Variants in AREL1 observed in about 807,000 individuals in gnomAD.
The protein encoded by AREL1 is apoptosis resistant E3 ubiquitin protein ligase 1, also known as apoptosis-resistant E3 ubiquitin protein ligase 1.
Under a neutral mutation model 99.0 loss-of-function variants are expected in AREL1, and 62 were observed. That is an observed-to-expected ratio of 0.63 (90% CI 0.51 to 0.77). The LOEUF (loss-of-function observed/expected upper bound fraction) is 0.77, where lower values mean the gene tolerates loss of function less well. Among genes scored for constraint, AREL1 ranks in the 30% least tolerant of loss-of-function variants. The probability of loss-of-function intolerance (pLI) is 0.00; values close to 1 mark genes in which losing one functional copy is unlikely to be tolerated. For synonymous variants in AREL1, 380 were observed against 376.5 expected, an observed-to-expected ratio of 1.01 and a Z score of -0.11; for missense variants, 879 against 1,027.6, an observed-to-expected ratio of 0.86 and a Z score of 1.98.
Position 74,662,388 on chromosome 14 carries a change from T to C in AREL1, c.*1332A>G, listed in dbSNP as rs531814859. 13 of 392,620 alleles carry C rather than the reference T, an allele frequency of 3.3e-5. No individual in the cohort carries two copies. The highest frequency in any genetic ancestry group is 3.3e-4 in the East Asian group (9 of 27,674). 24.3% of individuals were successfully genotyped at this position (392,620 alleles called of 1,614,324 possible). A position where few individuals can be genotyped will look rare whatever the true frequency, so the allele number is the denominator to read the frequency against. ...TCAGAGTTGACTGCCCCATTGGGAA[T>C]GGTAGCTTGCAGCAAAGCCTTCTTA... On this transcript the variant is annotated 3_prime_UTR_variant, in exon 20 of 20. Transcript: ENST00000356357.
At position 74,684,456 on chromosome 14, in the gene AREL1, G is replaced by A; in HGVS notation, c.241C>T (p.His81Tyr). ...TGGAGACAGAAACATTCCCTTACAT[G>A]CACTCGGAAGGCCATGCTGTGGCCC... ...EVGHSMAFRV[H>Y]LFYKNGQPFP... The change falls in exon 4 of 20, where the codon CAT becomes TAT. Residue 81 changes from histidine (H) to tyrosine (Y), a missense_variant and splice_region_variant. Physicochemically the swap from His to Tyr is moderately conservative, Grantham distance 83 (BLOSUM62 2). Transcript: ENST00000356357. 3 of 1,613,970 alleles carry A rather than the reference G, an allele frequency of 1.9e-6. No individual in the cohort carries two copies. The highest frequency in any genetic ancestry group is 2.5e-6 in the Non-Finnish European group (3 of 1,179,874).
At chr14:74,673,290 C>T in intron 9 of AREL1, 72 bp from the exon 10 acceptor site, 2 of 1,491,998 alleles carry the variant, frequency 1.3e-6, no homozygotes, top group Non-Finnish European at 9.2e-7. Context: ...CAGCTCTATC[C>T]TGTGTACCAA....
In AREL1 at chr14:74,695,227, G is replaced by A. The variant is rs529362050; in HGVS notation, c.-333-2899C>T. ...CCCTAGTGGCTGGGACTACAGGTGC[G>A]TACTACTATGCCCAGCTAGTTTTTG... On this transcript the variant is annotated intron_variant, in intron 1 of 19. Transcript: ENST00000356357. Among the ~76,000 whole-genome samples, 5 of 151,724 alleles carry A rather than the reference G, an allele frequency of 3.3e-5. No homozygotes were observed. The East Asian group carries it at 7.8e-4, about 24-fold the overall frequency.
intron 1 of AREL1, among the ~76,000 whole-genome samples, chr14:74,705,541 A>T (rs925363544): frequency 6.6e-6 from 1 of 152,194 alleles, no homozygotes; most frequent in Non-Finnish European, 1.5e-5. Context: ...ATGCACCTTG[A>T]AGTTAAGCCA....
chr14:74,685,304 A>AT (rs2089723381), intron 3 of AREL1, among the ~76,000 whole-genome samples: 1 of 152,176 alleles, frequency 6.6e-6, no homozygotes, highest in African/African-American at 2.4e-5. Context: ...TTCATCTGGT[A>AT]TAACTTTTCT....
chr14:74,681,760 C>T (rs367950623), intron 5 of AREL1, among the ~76,000 whole-genome samples: 2 of 141,410 alleles, frequency 1.4e-5, no homozygotes, highest in African/African-American at 5.3e-5. Context: ...CAGGGCGAGA[C>T]GCCATCAAAA....
At chr14:74,673,731 C>T (rs1231551672) in intron 9 of AREL1, among the ~76,000 whole-genome samples, 5 of 152,172 alleles carry the variant, frequency 3.3e-5, no homozygotes, top group Non-Finnish European at 7.3e-5. Context: ...CACTGGGAGA[C>T]CAAGCTTGGG....
In AREL1 at chr14:74,676,222, A is replaced by G; in HGVS notation, c.751T>C (p.Ser251Pro). The G allele has an allele frequency of 1.2e-6, 2 of 1,614,144 alleles. No individual in the cohort carries two copies. The highest frequency in any genetic ancestry group is 1.3e-5 in the African/African-American group (1 of 75,028). The change falls in exon 7 of 20, where the codon TCT (serine) becomes CCT (proline). Residue 251 changes from serine to proline, a missense_variant. Coordinates refer to ENST00000356357, the MANE Select transcript of AREL1 (RefSeq NM_001039479.2). ...FQVFLRLTLH[S>P]RGCFHACISY... ...ATGCAAGCATGGAAGCAGCCTCGAG[A>G]ATGCAGGGTGAGTCGCAAGAACACC...
chr14:74,667,195 T>C (rs2089227781), intron 17 of AREL1, 124 bp downstream of exon 17: 2 of 1,130,040 alleles, frequency 1.8e-6, no homozygotes, highest in Non-Finnish European at 2.6e-6. Context: ...GCGACAAAAG[T>C]GAAACCACCT....
At position 74,663,996 on chromosome 14, in the gene AREL1, A is replaced by G; in HGVS notation, c.2272T>C (p.Ser758Pro). 5 of 1,614,158 alleles carry G rather than the reference A, an allele frequency of 3.1e-6. No homozygotes were observed. In the Middle Eastern group the frequency reaches 6.6e-4, roughly 213 times the overall value. Residue 758 changes from serine to proline, a missense_variant, in exon 19 of 20, where the codon TCC becomes CCC. Physicochemically the swap from Ser to Pro is moderately conservative, Grantham distance 74. Transcript: ENST00000356357. Reference sequence around the variant, plus strand: ...AAGCCTCCAGGTGGTAGCTGAGAGGAGCCTGTTGTGAACTGAAGTAGCCGA... The same window carrying G: ...AAGCCTCCAGGTGGTAGCTGAGAGGGGCCTGTTGTGAACTGAAGTAGCCGA... The part of the protein sequence containing the change: ...LARLLQFTTG[S>P]SQLPPGGFAA...
intron 1 of AREL1, among the ~76,000 whole-genome samples, chr14:74,700,366 A>G (rs921221603): frequency 6.6e-6 from 1 of 152,248 alleles, no homozygotes; most frequent in African/African-American, 2.4e-5. Flanking sequence ...ATGTGATTCC[A>G]GAGTTTATAT....
intron 5 of AREL1, among the ~76,000 whole-genome samples, chr14:74,679,049 G>A (rs1481970880): frequency 2.0e-5 from 3 of 152,212 alleles, no homozygotes; most frequent in Admixed American, 2.0e-4. Flanking sequence ...AAAGGTGCAC[G>A]CCACCACACC....
At chr14:74,664,416 T>C (rs1039626709) in intron 18 of AREL1, among the ~76,000 whole-genome samples, 8 of 151,682 alleles carry the variant, frequency 5.3e-5, no homozygotes, top group Non-Finnish European at 1.2e-4. Flanking sequence ...ATCAACTGCT[T>C]TGACTCCCCT....
At chr14:74,680,766 C>A (rs973265233) in intron 5 of AREL1, among the ~76,000 whole-genome samples, 1 of 152,162 alleles carries the variant, frequency 6.6e-6, no homozygotes, top group African/African-American at 2.4e-5. Flanking sequence ...ATTTTGGGTA[C>A]CTACATGATA....
At chr14:74,711,436 G>C (rs1160966760) in intron 1 of AREL1, among the ~76,000 whole-genome samples, 1 of 137,744 alleles carries the variant, frequency 7.3e-6, no homozygotes, top group Non-Finnish European at 1.6e-5. Context: ...CCAGCTACTC[G>C]GGAGGCTGAG....
chr14:74,665,581 T>C (rs1433280735), intron 17 of AREL1, among the ~76,000 whole-genome samples: 2 of 152,204 alleles, frequency 1.3e-5, no homozygotes, highest in East Asian at 1.9e-4. Context: ...GTCAATGACC[T>C]TTCCTTTTTC....
intron 17 of AREL1, 104 bp from the exon 18 acceptor site, chr14:74,665,029 T>C: frequency 1.2e-6 from 1 of 867,008 alleles, no homozygotes; most frequent in South Asian, 1.5e-5. Context: ...AAGAAAACAT[T>C]ACCAGGAAAA....
chr14:74,666,984 T>C (rs916881952), intron 17 of AREL1, among the ~76,000 whole-genome samples: 1 of 152,148 alleles, frequency 6.6e-6, no homozygotes, highest in Non-Finnish European at 1.5e-5. Context: ...CTTCCCAAAG[T>C]GCTGGGATTA....
At chr14:74,673,737 T>G (rs1483562949) in intron 9 of AREL1, among the ~76,000 whole-genome samples, 3 of 152,224 alleles carry the variant, frequency 2.0e-5, no homozygotes, top group Non-Finnish European at 4.4e-5. Flanking sequence ...GAGACCAAGC[T>G]TGGGCCAGAG....
Sources: allele counts gnomAD v4.1 joint callset (sites outside exome capture counted in the v4.1 genomes callset), GRCh38; gene constraint gnomAD v4.1.1; transcripts MANE v1.5; gene names NCBI Gene and HGNC (gene_info 2026-07-23, HGNC 2026-07-21).